The following CXCL13 variants were observed in gnomAD, a reference collection of about 807,000 sequenced individuals.
CXCL13 encodes the protein C-X-C motif chemokine ligand 13.
A neutral mutation model predicts 12.2 loss-of-function variants in CXCL13; 7 were observed. The ratio of observed to expected loss-of-function variants is 0.57; its 90% CI spans 0.33 to 1.07. The LOEUF is 1.07. Ranked by LOEUF, CXCL13 falls within the 50% of genes least tolerant of loss-of-function variation. The pLI, the probability that CXCL13 is intolerant of heterozygous loss-of-function variation, is 0.04. For synonymous variants in CXCL13, 47 were observed against 42.4 expected, an observed-to-expected ratio of 1.11 and a Z score of -0.42; for missense variants, 113 against 127.4, an observed-to-expected ratio of 0.89 and a Z score of 0.55.
At chr4:77,519,863 C>A (rs1436257538) in intron 1 of CXCL13, among the ~76,000 whole-genome samples, 2 of 152,166 alleles carry the variant, frequency 1.3e-5, no homozygotes, top group Non-Finnish European at 2.9e-5. Flanking sequence ...ACATTTAAGT[C>A]TTTAATCCAT....
chr4:77,530,856 A>G (rs908388399), intron 1 of CXCL13, among the ~76,000 whole-genome samples: 1 of 151,552 alleles, frequency 6.6e-6, no homozygotes, highest in African/African-American at 2.4e-5. Context: ...AGTTCTTTTA[A>G]TTGTGATGTT....
chr4:77,545,598 G>T (rs1428057554), intron 1 of CXCL13, among the ~76,000 whole-genome samples: 1 of 152,154 alleles, frequency 6.6e-6, no homozygotes, highest in East Asian at 1.9e-4. Context: ...CATTGATTTT[G>T]TATCCTGAGA....
intron 1 of CXCL13, among the ~76,000 whole-genome samples, chr4:77,532,768 C>T (rs537643806): frequency 1.3e-5 from 2 of 152,094 alleles, no homozygotes. Context: ...TTTCTCTGAA[C>T]TTCTCTTTTG....
intron 1 of CXCL13, among the ~76,000 whole-genome samples, chr4:77,598,236 T>C (rs1394474223): frequency 1.3e-5 from 2 of 152,208 alleles, no homozygotes; most frequent in African/African-American, 2.4e-5. Context: ...CGGAAGCCGT[T>C]GGTTCAGAAT....
chr4:77,565,314 T>G (rs1332998070), intron 1 of CXCL13, among the ~76,000 whole-genome samples: 2 of 152,216 alleles, frequency 1.3e-5, no homozygotes, highest in Non-Finnish European at 2.9e-5. Context: ...ACAGGGCTCT[T>G]GCACACACAT....
At chr4:77,547,055 T>A (rs1035374980) in intron 1 of CXCL13, among the ~76,000 whole-genome samples, 2 of 152,210 alleles carry the variant, frequency 1.3e-5, no homozygotes, top group Non-Finnish European at 2.9e-5. Flanking sequence ...CAGTTTTGAG[T>A]GAGTTTCTTA....
intron 1 of CXCL13, among the ~76,000 whole-genome samples, chr4:77,556,243 T>C (rs1487009916): frequency 6.6e-6 from 1 of 152,214 alleles, no homozygotes; most frequent in African/African-American, 2.4e-5. Flanking sequence ...TTGTGGTATA[T>C]CATTACAATA....
intron 1 of CXCL13, among the ~76,000 whole-genome samples, chr4:77,574,441 G>A (rs932405103): frequency 6.6e-6 from 1 of 151,774 alleles, no homozygotes; most frequent in Non-Finnish European, 1.5e-5. Context: ...GACTTTTGGG[G>A]GTATCAGAAA....
At chr4:77,601,715 A>G (rs1726883571), upstream of CXCL13, among the ~76,000 whole-genome samples, 1 of 152,262 alleles carries the variant, frequency 6.6e-6, no homozygotes, top group Non-Finnish European at 1.5e-5. Context: ...AAGGTTAAAA[A>G]GAAACAGCTA....
intron 1 of CXCL13, among the ~76,000 whole-genome samples, chr4:77,531,127 T>C (rs976729172): frequency 6.8e-6 from 1 of 147,080 alleles, no homozygotes. Context: ...TTATTATTAT[T>C]ATTATCATTA....
chr4:77,549,088 A>G (rs1365942425), intron 1 of CXCL13, among the ~76,000 whole-genome samples: 1 of 151,918 alleles, frequency 6.6e-6, no homozygotes, highest in Non-Finnish European at 1.5e-5. Flanking sequence ...CATACATTTG[A>G]TCTTCAATCA....
At chr4:77,588,596 C>T (rs1248820323) in intron 1 of CXCL13, among the ~76,000 whole-genome samples, 1 of 152,176 alleles carries the variant, frequency 6.6e-6, no homozygotes. Context: ...GTGTATTTGT[C>T]AACAGTGGAG....
At chr4:77,550,256 C>G (rs1272928954) in intron 1 of CXCL13, among the ~76,000 whole-genome samples, 1 of 152,160 alleles carries the variant, frequency 6.6e-6, no homozygotes, top group African/African-American at 2.4e-5. Flanking sequence ...TCATGGCTTT[C>G]CTTGGCTAGG....
Position 77,607,796 on chromosome 4 carries a change from T to C in CXCL13, c.158T>C (p.Ile53Thr), listed in dbSNP as rs778542466. Residue 53 changes from isoleucine to threonine, a missense_variant, in exon 2 of 4, where the codon ATC (isoleucine) becomes ACC (threonine). By Grantham distance (89) the Ile-to-Thr change is moderately conservative (BLOSUM62 -1). Transcript: ENST00000682537. ...AGACGCTTCATTGATCGAATTCAAA[T>C]CTTGCCCCGTGGGAATGGTTGTCCA... The part of the protein sequence containing the change: ...IPRRFIDRIQ[I>T]LPRGNGCPRK... 6.2e-7 allele frequency: 1 copy of C among 1,614,124 alleles called. No homozygotes were observed. Among genetic ancestry groups the C allele is most frequent in the Non-Finnish European group, 8.5e-7 (1 of 1,180,006 alleles).
chr4:77,565,789 G>A (rs1725913844), intron 1 of CXCL13, among the ~76,000 whole-genome samples: 1 of 152,186 alleles, frequency 6.6e-6, no homozygotes, highest in South Asian at 2.1e-4. Flanking sequence ...AATAGGAAGT[G>A]CAGACAGCTG....
intron 1 of CXCL13, among the ~76,000 whole-genome samples, chr4:77,599,219 C>T (rs1021413760): frequency 6.6e-6 from 1 of 152,138 alleles, no homozygotes; most frequent in Non-Finnish European, 1.5e-5. Flanking sequence ...TCCTTGGTAT[C>T]CGTGAGGATT....
At chr4:77,588,845 T>A (rs1388256358) in intron 1 of CXCL13, among the ~76,000 whole-genome samples, 1 of 152,178 alleles carries the variant, frequency 6.6e-6, no homozygotes, top group Non-Finnish European at 1.5e-5. Flanking sequence ...TGCTCACTAC[T>A]ATTAAAACCA....
At chr4:77,587,838 C>T (rs1005761565) in intron 1 of CXCL13, among the ~76,000 whole-genome samples, 2 of 152,146 alleles carry the variant, frequency 1.3e-5, no homozygotes, top group African/African-American at 4.8e-5. Flanking sequence ...CGTTACCCTG[C>T]GAAGCAGGGT....
At chr4:77,596,699 C>T (rs999118781) in intron 1 of CXCL13, among the ~76,000 whole-genome samples, 2 of 149,060 alleles carry the variant, frequency 1.3e-5, no homozygotes, top group African/African-American at 4.9e-5. Context: ...GCAGGAGAAT[C>T]ATTGGAACCC....
Sources: allele counts gnomAD v4.1 joint callset (sites outside exome capture counted in the v4.1 genomes callset), GRCh38; gene constraint gnomAD v4.1.1; transcripts MANE v1.5; gene names NCBI Gene and HGNC (gene_info 2026-07-23, HGNC 2026-07-21).